Variants in GLYATL2 observed in about 807,000 individuals in gnomAD.
GLYATL2 encodes the protein glycine N-acyltransferase-like protein 2.
Under a neutral mutation model 21.4 loss-of-function variants are expected in GLYATL2, and 25 were observed. That is an observed-to-expected ratio of 1.17 (90% CI 0.85 to 1.63). The LOEUF is 1.63. Among genes scored for constraint, GLYATL2 ranks in the 40% most tolerant of loss-of-function variants. The pLI is 0.00. For missense variants in GLYATL2, 361 were observed against 343.3 expected (o/e 1.05, Z -0.41); for synonymous variants, 114 against 118.2 (o/e 0.96, Z 0.23).
chr11:58,835,026 T>C (rs111680745), intron 5 of GLYATL2, among the ~76,000 whole-genome samples, 189 bp from the exon 6 acceptor site: 2,080 of 152,296 alleles, frequency 0.014, 22 homozygotes, highest in South Asian at 0.046. Flanking sequence ...GAACACTGTG[T>C]GTTTTACGGC....
chr11:58,834,440 T>C lies in GLYATL2; in HGVS notation c.874A>G (p.Lys292Glu). 6.3e-7 allele frequency: 1 copy of C among 1,588,304 alleles called. No homozygotes were observed. Among genetic ancestry groups the C allele is most frequent in the Non-Finnish European group, 8.6e-7 (1 of 1,169,242 alleles). The change falls in exon 6 of 6, where the codon AAA becomes GAA. Residue 292 changes from lysine to glutamate, a missense_variant. Coordinates refer to ENST00000287275, the MANE Select transcript of GLYATL2 (RefSeq NM_145016.4). ...GWHQWKCTPK[K>E]YC is the part of the protein sequence containing the mutation. ...GACAGTGGAATCAATCAACAATATTTCTTGGGGGTGCATTTCCACTGATGC... is the reference window on the plus strand; with the variant it reads ...GACAGTGGAATCAATCAACAATATTCCTTGGGGGTGCATTTCCACTGATGC...
At chr11:58,869,610 G>A (rs565198523) in intron 1 of GLYATL2, among the ~76,000 whole-genome samples, 182 of 152,292 alleles carry the variant, frequency 1.2e-3, no homozygotes, top group African/African-American at 4.1e-3. Flanking sequence ...GCATCTAGAT[G>A]TGTTTATGTG....
chr11:58,854,451 C>T (rs556148904), intron 1 of GLYATL2, among the ~76,000 whole-genome samples: 3 of 152,174 alleles, frequency 2.0e-5, no homozygotes, highest in Non-Finnish European at 2.9e-5. Flanking sequence ...TGCATTATGT[C>T]TTTAAAAAGT....
chr11:58,868,714 T>A (rs946653282), intron 1 of GLYATL2, among the ~76,000 whole-genome samples: 2 of 148,894 alleles, frequency 1.3e-5, no homozygotes, highest in African/African-American at 4.9e-5. Context: ...CTTACCCAAT[T>A]TTGGCTGGAG....
At position 58,893,296 on chromosome 11, in the gene GLYATL2, A is replaced by G. The variant is rs1565108718; in HGVS notation, n.60+10860T>C. On this transcript the variant is annotated intron_variant and non_coding_transcript_variant, in intron 1 of 4. Transcript: ENST00000533636. ...GAGAGGCAACATAACATAGGTGAAC[A>G]TGAGATTCACGAAATATCTGCGTCA... 3 of 234,332 alleles carry G rather than the reference A, an allele frequency of 1.3e-5. No individual in the cohort carries two copies. In the East Asian group the frequency reaches 2.9e-4, roughly 22 times the overall value. The allele number at this position is 234,332 out of a possible 1,614,324, so 14.5% of individuals were successfully genotyped here.
At chr11:58,859,048 C>T (rs1321905939) in intron 1 of GLYATL2, among the ~76,000 whole-genome samples, 2 of 152,164 alleles carry the variant, frequency 1.3e-5, no homozygotes, top group African/African-American at 2.4e-5. Flanking sequence ...CCATTTCTTC[C>T]TGTGTAGGGG....
intron 1 of GLYATL2, among the ~76,000 whole-genome samples, chr11:58,877,793 A>G (rs1371780354): frequency 1.3e-5 from 2 of 152,254 alleles, no homozygotes; most frequent in South Asian, 2.1e-4. Flanking sequence ...GATAGCATGT[A>G]TAGACAATAG....
rs78417915 is a variant in GLYATL2, at chr11:58,891,870, C to T, written n.60+12286G>A. The stretch of plus-strand genomic sequence containing the variant: ...TGATTGTGCTGGGTGCTCGGTGATG[C>T]TGTATATAAAATAAGGTAAATGTGC... On this transcript the variant is annotated intron_variant and non_coding_transcript_variant, in intron 1 of 4. Coordinates refer to the GLYATL2 transcript ENST00000533636. 9.3e-3 allele frequency among the ~76,000 whole-genome samples: 1,407 copies of T among 152,072 alleles called. 8 individuals are homozygous for T. The highest frequency in any genetic ancestry group is 0.015 in the Non-Finnish European group (1,053 of 67,974).
upstream of GLYATL2, chr11:58,908,185 C>G (rs2134641173): frequency 6.6e-6 from 1 of 152,378 alleles, no homozygotes; most frequent in Middle Eastern, 3.4e-3. Context: ...GTCTTCTCAA[C>G]TCAGGGAAAC....
At chr11:58,850,802 G>C (rs1853727765) in intron 1 of GLYATL2, among the ~76,000 whole-genome samples, 1 of 151,948 alleles carries the variant, frequency 6.6e-6, no homozygotes, top group Admixed American at 6.6e-5. Flanking sequence ...TCTTGTGGAG[G>C]GCCTGACATC....
At chr11:58,904,515 T>A (rs576766319), upstream of GLYATL2, among the ~76,000 whole-genome samples, 2 of 152,216 alleles carry the variant, frequency 1.3e-5, no homozygotes, top group Non-Finnish European at 2.9e-5. Flanking sequence ...AACAGCTTTT[T>A]TCCTCCAGAT....
chr11:58,887,861 G>A (rs1374104448), intron 1 of GLYATL2, among the ~76,000 whole-genome samples: 1 of 152,062 alleles, frequency 6.6e-6, no homozygotes, highest in East Asian at 1.9e-4. Flanking sequence ...ATTTCCAAAA[G>A]GGATATCTCC....
At chr11:58,886,419 A>G (rs547540) in intron 1 of GLYATL2, among the ~76,000 whole-genome samples, 134,031 of 152,172 alleles carry the variant, frequency 0.88, 60,360 homozygotes, top group Non-Finnish European at 0.98. Context: ...GATACCAGAT[A>G]TTAAGGCATT....
intron 1 of GLYATL2, among the ~76,000 whole-genome samples, chr11:58,880,166 C>G (rs1202190014): frequency 6.6e-6 from 1 of 152,126 alleles, no homozygotes; most frequent in African/African-American, 2.4e-5. Flanking sequence ...CCAACAGTTT[C>G]TTAAAGAGTA....
At chr11:58,880,657 TTTTG>T (rs373808017) in intron 1 of GLYATL2, among the ~76,000 whole-genome samples, 15 of 152,294 alleles carry the variant, frequency 9.8e-5, no homozygotes, top group East Asian at 1.9e-4. Context: ...AGACCAGGTT[TTTTG>T]TTTGTTTGTT....
intron 1 of GLYATL2, among the ~76,000 whole-genome samples, chr11:58,871,170 T>C (rs1854111528): frequency 6.6e-6 from 1 of 152,206 alleles, no homozygotes; most frequent in Non-Finnish European, 1.5e-5. Flanking sequence ...ATTCAACAGA[T>C]GTCAAACAGG....
intron 1 of GLYATL2, among the ~76,000 whole-genome samples, chr11:58,880,942 A>G (rs1361322037): frequency 6.6e-6 from 1 of 152,198 alleles, no homozygotes; most frequent in Non-Finnish European, 1.5e-5. Context: ...AAGATAAAAA[A>G]TTTCAAACAT....
intron 1 of GLYATL2, among the ~76,000 whole-genome samples, chr11:58,873,530 T>G (rs1475422830): frequency 1.3e-5 from 2 of 152,216 alleles, no homozygotes; most frequent in African/African-American, 4.8e-5. Context: ...CTTTTCTGCA[T>G]CTATTGAGAT....
chr11:58,837,167 C>G lies in GLYATL2; in HGVS notation c.324G>C (p.Glu108Asp), dbSNP rs1313894332. 3.1e-6 allele frequency: 5 copies of G among 1,613,506 alleles called. No homozygotes were observed. ...EQTLQIQGCQ[E>D]GLDEAIRKVA... is the part of the protein sequence containing the mutation. ...CCTTTCTTATTGCTTCATCCAAGCC[C>G]TCTTGGCAACCTGGAGAAAGGAGAA... Residue 108 changes from glutamate to aspartate, a missense_variant, in exon 5 of 6, where the codon GAG becomes GAC. Physicochemically the swap from Glu to Asp is conservative, Grantham distance 45. Transcript: ENST00000287275.
Sources: gnomAD v4.1 joint callset for allele counts (sites outside exome capture counted in the v4.1 genomes callset) on GRCh38, gnomAD v4.1.1 for gene constraint, MANE v1.5 for transcripts, NCBI Gene and HGNC (gene_info 2026-07-23, HGNC 2026-07-21) for gene names.